NFIA: variants seen among roughly 807,000 people sequenced by gnomAD.
The protein encoded by NFIA is nuclear factor 1 A-type.
NFIA carries 8 observed loss-of-function variants against 62.8 expected under a neutral mutation model. That is an observed-to-expected ratio of 0.13 (90% CI 0.07 to 0.23). The LOEUF (loss-of-function observed/expected upper bound fraction) is 0.23, where lower values mean the gene tolerates loss of function less well. NFIA is among the 10% of genes least tolerant of loss of function. The pLI is 1.00. For synonymous variants in NFIA, 235 were observed against 238.1 expected, an observed-to-expected ratio of 0.99 and a Z score of 0.12; for missense variants, 410 against 642.1, an observed-to-expected ratio of 0.64 and a Z score of 3.91.
At chr1:61,366,799 T>C (rs1371972079) in intron 6 of NFIA, among the ~76,000 whole-genome samples, 1 of 152,118 alleles carries the variant, frequency 6.6e-6, no homozygotes, top group East Asian at 1.9e-4. Flanking sequence ...GGCGCCCTCC[T>C]GTAATCCCAG....
intron 3 of NFIA, among the ~76,000 whole-genome samples, chr1:61,282,045 G>A (rs1178747166): frequency 1.3e-5 from 2 of 152,226 alleles, no homozygotes; most frequent in Admixed American, 6.5e-5. Flanking sequence ...ATTTGGGTGT[G>A]GGGGAAGGCT....
chr1:61,386,307 T>C (rs1664684092), intron 7 of NFIA, among the ~76,000 whole-genome samples: 1 of 152,184 alleles, frequency 6.6e-6, no homozygotes, highest in African/African-American at 2.4e-5. Context: ...CTGACACTCC[T>C]TGTATTGGGC....
chr1:61,081,994 G>T (rs778050677), upstream of NFIA: 9 of 1,550,544 alleles, frequency 5.8e-6, no homozygotes, highest in South Asian at 1.1e-4. Flanking sequence ...TGCCCACGCG[G>T]TGGCCCGGGG....
chr1:61,287,028 T>A (rs1250562480), intron 3 of NFIA, among the ~76,000 whole-genome samples: 1 of 152,140 alleles, frequency 6.6e-6, no homozygotes, highest in Non-Finnish European at 1.5e-5. Flanking sequence ...AGGCAAATCA[T>A]ATTGGATCTT....
chr1:61,335,295 C>T (rs1483235653), intron 4 of NFIA, among the ~76,000 whole-genome samples: 3 of 152,056 alleles, frequency 2.0e-5, no homozygotes, highest in Admixed American at 6.6e-5. Context: ...CTAGGTTTGT[C>T]GGGGTATATT....
chr1:61,446,788 C>T (rs1345699758), intron 10 of NFIA, among the ~76,000 whole-genome samples: 2 of 152,226 alleles, frequency 1.3e-5, no homozygotes, highest in Non-Finnish European at 2.9e-5. Context: ...TCTTCCTGCA[C>T]AATCCACACT....
chr1:61,165,265 T>C (rs1649493922), intron 2 of NFIA, among the ~76,000 whole-genome samples: 1 of 152,112 alleles, frequency 6.6e-6, no homozygotes. Flanking sequence ...AAATGCCTGT[T>C]TTGTAAATCA....
chr1:61,175,708 G>A (rs1161355383), intron 2 of NFIA, among the ~76,000 whole-genome samples: 1 of 152,212 alleles, frequency 6.6e-6, no homozygotes, highest in African/African-American at 2.4e-5. Flanking sequence ...GTCATAGTCT[G>A]TGTAAGTCAG....
chr1:61,445,573 T>C (rs146101499), intron 10 of NFIA, among the ~76,000 whole-genome samples: 13 of 152,346 alleles, frequency 8.5e-5, no homozygotes, highest in African/African-American at 3.1e-4. Context: ...CATAAAACCC[T>C]AAATCCTACC....
intron 6 of NFIA, among the ~76,000 whole-genome samples, chr1:61,362,825 A>G (rs1041067962): frequency 6.6e-6 from 1 of 152,224 alleles, no homozygotes. Context: ...GAAGCTTTGA[A>G]GCAAATCATG....
At chr1:61,413,319 CAT>C (rs1210045376) in intron 9 of NFIA, among the ~76,000 whole-genome samples, 2 of 152,052 alleles carry the variant, frequency 1.3e-5, no homozygotes, top group African/African-American at 4.8e-5. Flanking sequence ...TAATAATTAA[CAT>C]GTGTTCAATG....
chr1:61,295,594 G>A (rs774147242), intron 3 of NFIA, among the ~76,000 whole-genome samples: 4 of 152,132 alleles, frequency 2.6e-5, no homozygotes, highest in African/African-American at 7.2e-5. Context: ...TGACTCCACC[G>A]CTCACCTGGC....
chr1:61,192,080 T>C (rs1269226695), intron 2 of NFIA, among the ~76,000 whole-genome samples: 1 of 151,820 alleles, frequency 6.6e-6, no homozygotes, highest in Non-Finnish European at 1.5e-5. Flanking sequence ...CTCCTCAGCC[T>C]CCCGAGTAGC....
intron 2 of NFIA, among the ~76,000 whole-genome samples, chr1:61,217,381 A>T (rs1653700573): frequency 6.6e-6 from 1 of 152,020 alleles, no homozygotes; most frequent in African/African-American, 2.4e-5. Flanking sequence ...TAAACTTTTC[A>T]ATAGCTATAT....
chr1:61,407,204 C>T (rs1665883781), intron 9 of NFIA, among the ~76,000 whole-genome samples: 1 of 152,156 alleles, frequency 6.6e-6, no homozygotes, highest in Admixed American at 6.5e-5. Context: ...GGTGTGTACA[C>T]TGACCATTCG....
chr1:61,104,791 A>G (rs1320054095), intron 2 of NFIA, among the ~76,000 whole-genome samples: 1 of 152,034 alleles, frequency 6.6e-6, no homozygotes, highest in African/African-American at 2.4e-5. Flanking sequence ...TTAAAATTAA[A>G]GAGAAACAAA....
chr1:61,433,456 T>C (rs894619658), intron 10 of NFIA, among the ~76,000 whole-genome samples: 4 of 149,816 alleles, frequency 2.7e-5, no homozygotes, highest in Admixed American at 2.0e-4. Context: ...GTTGGTTTCT[T>C]TTTTTTTTCA....
intron 9 of NFIA, among the ~76,000 whole-genome samples, chr1:61,425,366 A>G (rs535431762): frequency 6.6e-6 from 1 of 152,306 alleles, no homozygotes; most frequent in East Asian, 1.9e-4. Flanking sequence ...CATGCCCTCA[A>G]TTATCTGTGT....
At chr1:61,311,470 A>T (rs1490705923) in intron 3 of NFIA, among the ~76,000 whole-genome samples, 1 of 152,180 alleles carries the variant, frequency 6.6e-6, no homozygotes, top group East Asian at 1.9e-4. Context: ...CAGCCTCAGC[A>T]CCATTGACAT....
Sources: gnomAD v4.1 joint callset for allele counts (sites outside exome capture counted in the v4.1 genomes callset) on GRCh38, gnomAD v4.1.1 for gene constraint, MANE v1.5 for transcripts, NCBI Gene and HGNC (gene_info 2026-07-23, HGNC 2026-07-21) for gene names.